Variants in STAB1 observed in about 807,000 individuals in gnomAD.
STAB1 encodes the protein stabilin-1.
STAB1 carries 250 observed loss-of-function variants against 332.4 expected under a neutral mutation model. The ratio of observed to expected loss-of-function variants is 0.75; its 90% CI spans 0.68 to 0.84. The LOEUF (loss-of-function observed/expected upper bound fraction) is 0.84. Ranked by LOEUF, STAB1 falls within the 40% of genes least tolerant of loss-of-function variation. STAB1 has a pLI of 0.00. For synonymous variants in STAB1, 1,475 were observed against 1,390.4 expected (o/e 1.06, Z -1.35); for missense variants, 3,249 against 3,489.7 (o/e 0.93, Z 1.74).
intron 27 of STAB1, 58 bp from the exon 28 acceptor site, chr3:52,512,538 G>A (rs1025716123): frequency 5.0e-6 from 8 of 1,613,206 alleles, no homozygotes; most frequent in African/African-American, 1.3e-5. Context: ...ATCCATGGTG[G>A]GGAAGGGGCT....
Position 52,512,653 on chromosome 3 carries a change from G to C in STAB1, c.3027+10G>C. 1 of 1,613,666 alleles carries C rather than the reference G, an allele frequency of 6.2e-7. No homozygotes were observed. Among genetic ancestry groups the C allele is most frequent in the Non-Finnish European group, 8.5e-7 (1 of 1,180,016 alleles). On this transcript the variant is annotated intron_variant, in intron 28 of 68. Coordinates refer to ENST00000321725, the MANE Select transcript of STAB1 (RefSeq NM_015136.3). ...CTACCAATGGCTTAAGGTAGGACAG[G>C]GCAGAATGCTGGGGTTGAGGGCTCA...
In STAB1 at chr3:52,524,326, T is replaced by TGACA. The variant is rs765942870; in HGVS notation, c.7684_7687dup (p.Thr2563ArgfsTer?). ...ACTCACTGCTGGAGGAGGACTTCCC[T>TGACA]GACACCCAGAGGATCCTCACAGTCA... is the stretch of plus-strand genomic sequence containing the variant. On this transcript the variant is annotated frameshift_variant, in exon 69 of 69. Transcript: ENST00000321725. LOFTEE classifies it high-confidence loss of function. The TGACA allele has an allele frequency of 1.4e-5, 23 of 1,613,780 alleles. No homozygotes were observed. The highest frequency in any genetic ancestry group is 1.8e-5 in the Non-Finnish European group (21 of 1,180,026).
chr3:52,522,456 A>G lies in STAB1; in HGVS notation c.6592A>G (p.Thr2198Ala), dbSNP rs1395081957. 1 of 1,613,010 alleles carries G rather than the reference A, an allele frequency of 6.2e-7. No individual in the cohort carries two copies. Among genetic ancestry groups the G allele is most frequent in the East Asian group, 2.2e-5 (1 of 44,890 alleles). Residue 2198 changes from threonine (T) to alanine (A), a missense_variant, in exon 60 of 69, where the codon ACT (threonine) becomes GCT (alanine). By Grantham distance (58) the Thr-to-Ala change is moderately conservative. Transcript: ENST00000321725. The stretch of plus-strand genomic sequence containing the variant: ...GCCCTGCCACTCAGATGCCATGTGC[A>G]CTGACCTGCACTTCCAGGGTGTGTC... ...PPPCHSDAMC[T>A]DLHFQEKRAG...
At chr3:52,501,456 G>A in intron 2 of STAB1, 154 bp downstream of exon 2, 2 of 1,266,714 alleles carry the variant, frequency 1.6e-6, no homozygotes, top group Non-Finnish European at 1.1e-6. Flanking sequence ...CGGGGAGGAA[G>A]GGGTAAAGGC....
Position 52,522,096 on chromosome 3 carries a change from G to A in STAB1, c.6331G>A (p.Val2111Ile), listed in dbSNP as rs779542394. The A allele has an allele frequency of 1.2e-6, 2 of 1,612,994 alleles. No homozygotes were observed. Among genetic ancestry groups the A allele is most frequent in the Admixed American group, 1.7e-5 (1 of 59,994 alleles). Reference sequence around the variant, plus strand: ...CAGTGAGCACGCCAACTGTAGCCAGGTAGGAACAATGGTCACTTGTACCTG... The same window carrying A: ...CAGTGAGCACGCCAACTGTAGCCAGATAGGAACAATGGTCACTTGTACCTG... ...GCSEHANCSQ[V>I]GTMVTCTCLP... Residue 2111 changes from valine (V) to isoleucine (I), a missense_variant, in exon 59 of 69, where the codon GTA becomes ATA. Transcript: ENST00000321725.
In STAB1 at chr3:52,504,022, GC is replaced by G. The variant is rs1708655950; in HGVS notation, c.1023-3del. On this transcript the variant is annotated splice_polypyrimidine_tract_variant and splice_region_variant and intron_variant, in intron 9 of 68. Coordinates refer to ENST00000321725, the MANE Select transcript of STAB1 (RefSeq NM_015136.3). ...CCGCCCTGACTGGCTCTCCCTGGGA[GC>G]CCAGCTGTGTGTGCAGGGAAAGCGA... is the stretch of plus-strand genomic sequence containing the variant. 2 of 1,605,514 alleles carry G rather than the reference GC, an allele frequency of 1.2e-6. No homozygotes were observed. The highest frequency in any genetic ancestry group is 1.7e-6 in the Non-Finnish European group (2 of 1,176,492).
Position 52,517,909 on chromosome 3 carries a change from C to A in STAB1, c.4667C>A (p.Thr1556Asn), listed in dbSNP as rs1266975606. Residue 1556 changes from threonine (T) to asparagine (N), a missense_variant, in exon 45 of 69, where the codon ACC becomes AAC. Coordinates refer to ENST00000321725, the MANE Select transcript of STAB1 (RefSeq NM_015136.3). Reference protein sequence around the residue: ...KNNGGCSPYATCKSTGDGQRT... With the variant: ...KNNGGCSPYANCKSTGDGQRT... ...AATGGAGGATGCAGCCCATATGCCA[C>A]CTGCAAAAGCACAGGGGATGGCCAG... The A allele has an allele frequency of 1.2e-6, 2 of 1,611,582 alleles. No homozygotes were observed. The highest frequency in any genetic ancestry group is 3.4e-5 in the Admixed American group (2 of 59,648).
At position 52,512,869 on chromosome 3, in the gene STAB1, C is replaced by T. The variant is rs1709396137; in HGVS notation, c.3069C>T (p.Ala1023=). ...ITLPADRRVT[A]LVPSEAAVRQ... ...TTCCTGCCGACCGCCGAGTCACAGC[C>T]CTGGTGCCCTCCGAGGCTGCAGTCC... The change falls in exon 29 of 69, where the codon GCC becomes GCT. Residue 1023 remains alanine, a synonymous_variant. Transcript: ENST00000321725. 1.9e-6 allele frequency: 3 copies of T among 1,611,424 alleles called. No homozygotes were observed. Among genetic ancestry groups the T allele is most frequent in the Non-Finnish European group, 1.7e-6 (2 of 1,179,928 alleles).
In STAB1 at chr3:52,503,341, C is replaced by A. The variant is rs200533407; in HGVS notation, c.695-3C>A. 3.2e-4 allele frequency: 511 copies of A among 1,605,124 alleles called. 1 individual carries two copies. The highest frequency in any genetic ancestry group is 1.4e-3 in the Middle Eastern group (8 of 5,922). ...CACTTGGGCTCTCTCTCTGCCCTGGCAGCCCCCAACCCCTGCTGGCCATCA... is the reference window on the plus strand; with the variant it reads ...CACTTGGGCTCTCTCTCTGCCCTGGAAGCCCCCAACCCCTGCTGGCCATCA... On this transcript the variant is annotated splice_polypyrimidine_tract_variant and splice_region_variant and intron_variant, in intron 7 of 68. Transcript: ENST00000321725.
intron 48 of STAB1, 141 bp from the exon 49 acceptor site, chr3:52,519,123 C>T: frequency 8.2e-7 from 1 of 1,213,236 alleles, no homozygotes; most frequent in South Asian, 1.4e-5. Flanking sequence ...CCCCAGACCC[C>T]GCCCACCTCG....
At position 52,524,025 on chromosome 3, in the gene STAB1, T is replaced by C; in HGVS notation, c.7542+8T>C. ...GGCTTCTCTGCCTTCCAGGTAGGGC[T>C]GGGTTGGGGCTGCCATGGCGGGTCC... On this transcript the variant is annotated splice_region_variant and intron_variant, in intron 67 of 68. Transcript: ENST00000321725. 1 of 1,612,312 alleles carries C rather than the reference T, an allele frequency of 6.2e-7. No homozygotes were observed. Among genetic ancestry groups the C allele is most frequent in the Non-Finnish European group, 8.5e-7 (1 of 1,179,612 alleles).
At position 52,515,005 on chromosome 3, in the gene STAB1, G is replaced by A; in HGVS notation, c.3824G>A (p.Cys1275Tyr). 15 of 1,613,586 alleles carry A rather than the reference G, an allele frequency of 9.3e-6. No homozygotes were observed. The highest frequency in any genetic ancestry group is 1.3e-5 in the African/African-American group (1 of 75,056). Residue 1275 changes from cysteine (C) to tyrosine (Y), a missense_variant, in exon 36 of 69, where the codon TGC (cysteine) becomes TAC (tyrosine). Coordinates refer to ENST00000321725, the MANE Select transcript of STAB1 (RefSeq NM_015136.3). ...TCCCTCTAGGAGAAATGTGTAAACTGCACCAGGAGATTCCGCTGCACTCAG... is the reference window on the plus strand; with the variant it reads ...TCCCTCTAGGAGAAATGTGTAAACTACACCAGGAGATTCCGCTGCACTCAG... ...AEALREKCVN[C>Y]TRRFRCTQGF...
In STAB1 at chr3:52,523,428, C is replaced by T. The variant is rs769167187; in HGVS notation, c.7142C>T (p.Thr2381Met). 2.9e-5 allele frequency: 46 copies of T among 1,608,584 alleles called. No homozygotes were observed. Among genetic ancestry groups the T allele is most frequent in the Admixed American group, 8.3e-5 (5 of 59,950 alleles). Residue 2381 changes from threonine to methionine, a missense_variant and splice_region_variant, in exon 65 of 69, where the codon ACG becomes ATG. Physicochemically the swap from Thr to Met is moderately conservative, Grantham distance 81 (BLOSUM62 -1). Transcript: ENST00000321725. ...PVNEGFVDNM[T>M]LSGPDLELHA... ...CAACAGGCCTTGCTCTGCTCACAGA[C>T]GCTGAGTGGCCCAGACTTGGAGCTG...
Position 52,519,280 on chromosome 3 carries a change from A to C in STAB1, c.5051A>C (p.Asn1684Thr). 2 of 1,612,826 alleles carry C rather than the reference A, an allele frequency of 1.2e-6. No homozygotes were observed. Among genetic ancestry groups the C allele is most frequent in the Non-Finnish European group, 1.7e-6 (2 of 1,179,936 alleles). The change falls in exon 49 of 69, where the codon AAT becomes ACT. Residue 1684 changes from asparagine (N) to threonine (T), a missense_variant. Transcript: ENST00000321725. ...FSEREGSIYLNDFARVVSSDH... is the reference protein window; with the variant it reads ...FSEREGSIYLTDFARVVSSDH... ...CGCCCCCAGGGCAGCATATACCTCAATGACTTCGCGCGCGTGGTGAGCAGC... is the reference window on the plus strand; with the variant it reads ...CGCCCCCAGGGCAGCATATACCTCACTGACTTCGCGCGCGTGGTGAGCAGC...
At chr3:52,513,600 C>A in intron 30 of STAB1, 117 bp from the exon 31 acceptor site, 1 of 1,061,408 alleles carries the variant, frequency 9.4e-7, no homozygotes, top group Non-Finnish European at 1.4e-6. Context: ...GCTTGTGGGC[C>A]AGCCTGCGGA....
intron 37 of STAB1, 60 bp downstream of exon 37, chr3:52,515,566 G>A: frequency 6.3e-7 from 1 of 1,583,974 alleles, no homozygotes; most frequent in Non-Finnish European, 8.6e-7. Flanking sequence ...GAGTGGGTGG[G>A]GGCCCAGGGA....
Position 52,520,091 on chromosome 3 carries a change from C to A in STAB1, c.5383C>A (p.Leu1795Met), listed in dbSNP as rs528130810. The change falls in exon 51 of 69, where the codon CTG becomes ATG. Residue 1795 changes from leucine to methionine, a missense_variant. Coordinates refer to ENST00000321725, the MANE Select transcript of STAB1 (RefSeq NM_015136.3). ...CCACCGTGACAAGCTAGCAGCCATTCTGCGGGGCCACATGATTCGCAATGT... is the reference window on the plus strand; with the variant it reads ...CCACCGTGACAAGCTAGCAGCCATTATGCGGGGCCACATGATTCGCAATGT... ...EDHRDKLAAI[L>M]RGHMIRNVEA... 1.2e-6 allele frequency: 2 copies of A among 1,611,136 alleles called. No homozygotes were observed. Among genetic ancestry groups the A allele is most frequent in the Non-Finnish European group, 1.7e-6 (2 of 1,178,366 alleles).
chr3:52,495,468 G>T lies in STAB1; in HGVS notation c.55G>T (p.Gly19Cys). The part of the protein sequence containing the change: ...PLCLLAFCLA[G>C]FSFVRGQVLF... ...CTGCCTCCTGGCCTTCTGCCTGGCA[G>T]GCTTCAGCTTCGTCAGGGGGCAGGT... The change falls in exon 1 of 69, where the codon GGC becomes TGC. Residue 19 changes from glycine (G) to cysteine (C), a missense_variant. Transcript: ENST00000321725. 7.4e-7 allele frequency: 1 copy of T among 1,342,608 alleles called. No homozygotes were observed. Among genetic ancestry groups the T allele is most frequent in the Non-Finnish European group, 9.6e-7 (1 of 1,039,884 alleles). 83.2% of individuals were successfully genotyped at this position (1,342,608 alleles called of 1,614,324 possible). A position where few individuals can be genotyped will look rare whatever the true frequency, so the allele number is the denominator to read the frequency against.
rs1708778736 is a variant in STAB1 at position 52,505,393 on chromosome 3, G to T, written c.1581+12G>T. The stretch of plus-strand genomic sequence containing the variant: ...AAACCATCCTGGAGGTAAGCTCGGG[G>T]GAGGGGTCCTAGCCCATGTGGGCTT... On this transcript the variant is annotated intron_variant, in intron 14 of 68. Transcript: ENST00000321725. 1 of 1,612,194 alleles carries T rather than the reference G, an allele frequency of 6.2e-7. No individual in the cohort carries two copies. Among genetic ancestry groups the T allele is most frequent in the Non-Finnish European group, 8.5e-7 (1 of 1,179,286 alleles).
Sources: gnomAD v4.1 joint callset for allele counts on GRCh38, gnomAD v4.1.1 for gene constraint, MANE v1.5 for transcripts, NCBI Gene and HGNC (gene_info 2026-07-23, HGNC 2026-07-21) for gene names.